The following PDGFB variants were observed in gnomAD, a reference collection of about 807,000 sequenced individuals.
PDGFB encodes platelet derived growth factor subunit B, also known as platelet-derived growth factor subunit B.
A neutral mutation model predicts 29.0 loss-of-function variants in PDGFB; 6 were observed. The observed-to-expected ratio is 0.21, with a 90% CI of 0.11 to 0.41. The LOEUF is 0.41. Ranked by LOEUF, PDGFB falls within the 10% of genes least tolerant of loss-of-function variation. PDGFB has a pLI of 1.00. For missense variants in PDGFB, 299 were observed against 341.8 expected (o/e 0.87, Z 0.99); for synonymous variants, 144 against 140.8 (o/e 1.02, Z -0.16).
At chr22:39,238,429 A>C (rs5750781) in intron 1 of PDGFB, among the ~76,000 whole-genome samples, 111,568 of 151,578 alleles carry the variant, frequency 0.74, 41,335 homozygotes, top group East Asian at 0.9. Flanking sequence ...GCCCAGAACT[A>C]CCCATAAGCC....
intron 5 of PDGFB, among the ~76,000 whole-genome samples, chr22:39,229,062 G>A (rs886428963): frequency 2.0e-5 from 3 of 152,070 alleles, no homozygotes; most frequent in Non-Finnish European, 4.4e-5. Flanking sequence ...GCCAAGAAAT[G>A]GCTCCGTCTT....
In PDGFB at chr22:39,231,755, C is replaced by T. The variant is rs752017242; in HGVS notation, c.323G>A (p.Arg108Gln). 1.2e-6 allele frequency: 2 copies of T among 1,613,304 alleles called. No individual in the cohort carries two copies. Among genetic ancestry groups the T allele is most frequent in the Non-Finnish European group, 1.7e-6 (2 of 1,179,804 alleles). Residue 108 changes from arginine to glutamine, a missense_variant, in exon 4 of 7, where the codon CGG (arginine) becomes CAG (glutamine). Transcript: ENST00000331163. This position sits in a 1 kb window ranked among gnomAD's most constrained non-coding sequence, Gnocchi z 4.3. ...GGCGTTGGTGCGGTCTATGAGGCGC[C>T]GGGAGATCTCGAACACCTCGGTGCG... is the stretch of plus-strand genomic sequence containing the variant. ...KTRTEVFEISRRLIDRTNANF... is the reference protein window; with the variant it reads ...KTRTEVFEISQRLIDRTNANF...
chr22:39,231,857 C>G lies in PDGFB; in HGVS notation c.251-30G>C, dbSNP rs766951424. On this transcript the variant is annotated intron_variant, in intron 3 of 6. Coordinates refer to ENST00000331163, the MANE Select transcript of PDGFB (RefSeq NM_002608.4). This position sits in a 1 kb window ranked among gnomAD's most constrained non-coding sequence, Gnocchi z 4.3. ...GAGGAGACGAAACCTGGGTCAGGAG[C>G]GTAGGCCTGTCCAGAGTCCCCCCAC... 6.3e-7 allele frequency: 1 copy of G among 1,591,998 alleles called. No individual in the cohort carries two copies. The highest frequency in any genetic ancestry group is 1.1e-5 in the South Asian group (1 of 89,420).
chr22:39,235,539 C>T (rs1208698925), intron 2 of PDGFB, among the ~76,000 whole-genome samples: 2 of 152,222 alleles, frequency 1.3e-5, no homozygotes, highest in Non-Finnish European at 2.9e-5. Flanking sequence ...GGCACCCCAC[C>T]CTTGGCACCA....
rs111778157 is a variant in PDGFB, at chr22:39,240,941, A to ACT, written c.63+2958_63+2959dup. On this transcript the variant is annotated intron_variant, in intron 1 of 6. Transcript: ENST00000331163. ...GATGCGCACACACACACACACACAC[A>ACT]CTCTCTCTCTCTCTCTCTTCCTGGC... 2.9e-4 allele frequency: 118 copies of ACT among 405,806 alleles called. No homozygotes were observed. In the Middle Eastern group the frequency reaches 3.7e-3, roughly 13 times the overall value. 25.1% of individuals were successfully genotyped at this position (405,806 alleles called of 1,614,324 possible). A position where few individuals can be genotyped will look rare whatever the true frequency, so the allele number is the denominator to read the frequency against.
chr22:39,235,648 C>T, intron 2 of PDGFB, 130 bp downstream of exon 2: 1 of 677,518 alleles, frequency 1.5e-6, no homozygotes, highest in Non-Finnish European at 2.5e-6. Flanking sequence ...TGTGGCCACG[C>T]TCTCTCTGGG....
At chr22:39,228,668 C>T (rs1932223446) in intron 5 of PDGFB, among the ~76,000 whole-genome samples, 1 of 152,116 alleles carries the variant, frequency 6.6e-6, no homozygotes, top group South Asian at 2.1e-4. Context: ...GCAGGTGGAT[C>T]ACTTGAGGTC....
At chr22:39,226,436 G>A (rs148220371) in intron 5 of PDGFB, among the ~76,000 whole-genome samples, 6 of 152,216 alleles carry the variant, frequency 3.9e-5, no homozygotes, top group Non-Finnish European at 8.8e-5. Context: ...TCTCCCCGTA[G>A]AGCCAGAGGC....
chr22:39,230,302 G>A lies in PDGFB; in HGVS notation c.457-74C>T. The stretch of plus-strand genomic sequence containing the variant: ...AGCCCGGGAAGCCCGAATGGCTTGC[G>A]CTTCCCACCCCGGTGTCCCCTGCAG... On this transcript the variant is annotated intron_variant, in intron 4 of 6. Coordinates refer to ENST00000331163, the MANE Select transcript of PDGFB (RefSeq NM_002608.4). 4.7e-6 allele frequency: 7 copies of A among 1,485,068 alleles called. No individual in the cohort carries two copies. The Admixed American group carries it at 5.1e-5, about 11-fold the overall frequency. 92.0% of individuals were successfully genotyped at this position (1,485,068 alleles called of 1,614,324 possible). A position where few individuals can be genotyped will look rare whatever the true frequency, so the allele number is the denominator to read the frequency against.
At chr22:39,240,597 A>T (rs1219938921) in intron 1 of PDGFB, among the ~76,000 whole-genome samples, 1 of 151,740 alleles carries the variant, frequency 6.6e-6, no homozygotes, top group Non-Finnish European at 1.5e-5. Context: ...GGGGCCATGG[A>T]GCAACAGGGG....
rs541061730 is a variant in PDGFB at position 39,230,861 on chromosome 22, CCCAGCCTGT to C, written c.457-642_457-634del. On this transcript the variant is annotated intron_variant, in intron 4 of 6. Coordinates refer to ENST00000331163, the MANE Select transcript of PDGFB (RefSeq NM_002608.4). ...TGCTGAGCTAGAGAAATGCGCACTG[CCCAGCCTGT>C]GGGCGAGGCTGGCCTGGGGCGTGCA... Among the ~76,000 whole-genome samples, 305 of 152,340 alleles carry C rather than the reference CCCAGCCTGT, an allele frequency of 2.0e-3. 1 individual carries two copies. The highest frequency in any genetic ancestry group is 7.0e-3 in the African/African-American group (293 of 41,582).
rs1184799325 is a variant in PDGFB at position 39,228,893 on chromosome 22, A to AAAAAAAAAATAT, written c.601+1190_601+1191insATATTTTTTTTT. Among the ~76,000 whole-genome samples, 993 of 132,486 alleles carry AAAAAAAAAATAT rather than the reference A, an allele frequency of 7.5e-3. 20 individuals are homozygous for AAAAAAAAAATAT. Among genetic ancestry groups the AAAAAAAAAATAT allele is most frequent in the African/African-American group, 0.02 (767 of 38,092 alleles). 86.9% of individuals were successfully genotyped at this position (132,486 alleles called of 152,430 possible). On this transcript the variant is annotated intron_variant, in intron 5 of 6. Coordinates refer to ENST00000331163, the MANE Select transcript of PDGFB (RefSeq NM_002608.4). Reference sequence around the variant, plus strand: ...GACAGGGTGAGACTGCCTCAAAAAAAATATATATATATATAGATATATATA... The same window carrying AAAAAAAAAATAT: ...GACAGGGTGAGACTGCCTCAAAAAAAAAAAAAAAATATATATATATATATATAGATATATATA...
chr22:39,243,943 G>A lies in PDGFB; in HGVS notation c.21C>T (p.Leu7=). The change falls in exon 1 of 7, where the codon CTC becomes CTT. Residue 7 remains leucine (L), a synonymous_variant. Transcript: ENST00000331163. The surrounding 1 kb of genome is among the most constrained non-coding windows in gnomAD (Gnocchi z 6.4). The part of the protein sequence containing the change: MNRCWA[L]FLSLCCYLRL... ...GCAGGTAGCAGCAGAGAGACAGGAA[G>A]AGCGCCCAGCAGCGATTCATGCCGA... 1.9e-6 allele frequency: 3 copies of A among 1,603,058 alleles called. No homozygotes were observed. Among genetic ancestry groups the A allele is most frequent in the African/African-American group, 1.3e-5 (1 of 74,520 alleles).
At position 39,233,487 on chromosome 22, in the gene PDGFB, G is replaced by A. The variant is rs1258396836; in HGVS notation, c.198C>T (p.Arg66=). Residue 66 remains arginine, a synonymous_variant, in exon 3 of 7, where the codon CGC becomes CGT. Transcript: ENST00000331163. The part of the protein sequence containing the change: ...DGAELDLNMT[R]SHSGGELESL... ...TCTCCAGCTCGCCTCCAGAGTGGGA[G>A]CGGGTCATGTTCAGGTCCAACTCGG... is the stretch of plus-strand genomic sequence containing the variant. 6 of 1,596,464 alleles carry A rather than the reference G, an allele frequency of 3.8e-6. No individual in the cohort carries two copies. Among genetic ancestry groups the A allele is most frequent in the Middle Eastern group, 1.7e-4 (1 of 6,018 alleles).
chr22:39,241,192 TGGA>T, intron 1 of PDGFB: 4 of 491,950 alleles, frequency 8.1e-6, no homozygotes, highest in Non-Finnish European at 7.4e-6. Context: ...GCTCAGCTGG[TGGA>T]GATGGCACCT....
intron 4 of PDGFB, among the ~76,000 whole-genome samples, chr22:39,230,653 C>G (rs1932278614): frequency 6.6e-6 from 1 of 152,176 alleles, no homozygotes; most frequent in African/African-American, 2.4e-5. Context: ...GGTGTCCATC[C>G]ATAGAGCTGG....
chr22:39,232,540 A>T (rs1932334914), intron 3 of PDGFB, among the ~76,000 whole-genome samples: 1 of 151,536 alleles, frequency 6.6e-6, no homozygotes, highest in Admixed American at 6.6e-5. Context: ...GCCAGGCTGG[A>T]GTGCAGTGGC....
In PDGFB at chr22:39,233,422, G is replaced by A. The variant is rs777850559; in HGVS notation, c.250+13C>T. On this transcript the variant is annotated intron_variant, in intron 3 of 6. Coordinates refer to ENST00000331163, the MANE Select transcript of PDGFB (RefSeq NM_002608.4). ...CTAATTTGAAGGACCCTTGTTGGGTGTCTCAGTCTTACCCAGGCTCCTTCT... is the reference window on the plus strand; with the variant it reads ...CTAATTTGAAGGACCCTTGTTGGGTATCTCAGTCTTACCCAGGCTCCTTCT... 5 of 1,582,124 alleles carry A rather than the reference G, an allele frequency of 3.2e-6. No individual in the cohort carries two copies. The highest frequency in any genetic ancestry group is 4.7e-5 in the East Asian group (2 of 42,720).
In PDGFB at chr22:39,225,813, C is replaced by T. The variant is rs142967098; in HGVS notation, c.636G>A (p.Thr212=). Residue 212 remains threonine (T), a synonymous_variant, in exon 6 of 7, where the codon ACG becomes ACA. Coordinates refer to ENST00000331163, the MANE Select transcript of PDGFB (RefSeq NM_002608.4). Reference sequence around the variant, plus strand: ...CCTTGGGGGGCCGGCGGACTCGCACCGTCCGAATGGTCACCCGAGTTTGGG... The same window carrying T: ...CCTTGGGGGGCCGGCGGACTCGCACTGTCCGAATGGTCACCCGAGTTTGGG... ...KTPQTRVTIR[T]VRVRRPPKGK... is the part of the protein sequence containing the mutation. 34 of 1,613,896 alleles carry T rather than the reference C, an allele frequency of 2.1e-5. 1 individual carries two copies. The highest frequency in any genetic ancestry group is 5.0e-5 in the Admixed American group (3 of 59,982).
Sources: allele counts gnomAD v4.1 joint callset (sites outside exome capture counted in the v4.1 genomes callset), GRCh38; gene constraint gnomAD v4.1.1; non-coding constraint Gnocchi (gnomAD v3.1); transcripts MANE v1.5; gene names NCBI Gene and HGNC (gene_info 2026-07-23, HGNC 2026-07-21).